DLGAP4: variants seen among roughly 807,000 people sequenced by gnomAD.
DLGAP4 encodes the protein disks large-associated protein 4.
A neutral mutation model predicts 86.9 loss-of-function variants in DLGAP4; 18 were observed. That is an observed-to-expected ratio of 0.21 (90% CI 0.14 to 0.31). The LOEUF (loss-of-function observed/expected upper bound fraction) is 0.31, where lower values mean the gene tolerates loss of function less well. Among genes scored for constraint, DLGAP4 ranks in the 10% least tolerant of loss-of-function variants. The pLI is 1.00. For synonymous variants in DLGAP4, 548 were observed against 574.3 expected (o/e 0.95, Z 0.65); for missense variants, 1,085 against 1,362.6 (o/e 0.80, Z 3.21).
intron 2 of DLGAP4, among the ~76,000 whole-genome samples, chr20:36,419,081 C>T (rs2032748035): frequency 6.6e-6 from 1 of 152,066 alleles, no homozygotes; most frequent in Non-Finnish European, 1.5e-5. Context: ...TGCTGCTTCT[C>T]CTCTAACATG....
intron 7 of DLGAP4, among the ~76,000 whole-genome samples, chr20:36,470,348 G>A (rs1304530977): frequency 6.6e-6 from 1 of 152,096 alleles, no homozygotes; most frequent in Non-Finnish European, 1.5e-5. Context: ...ACTCTCAGAG[G>A]CTGACTGCCT....
At chr20:36,509,585 T>TA (rs1233349415) in intron 10 of DLGAP4, among the ~76,000 whole-genome samples, 2 of 148,318 alleles carry the variant, frequency 1.3e-5, no homozygotes, top group South Asian at 4.2e-4. Flanking sequence ...AATAAATAAA[T>TA]AATAATAATA....
At chr20:36,344,775 A>G (rs1486853864) in intron 1 of DLGAP4, among the ~76,000 whole-genome samples, 1 of 152,202 alleles carries the variant, frequency 6.6e-6, no homozygotes, top group Non-Finnish European at 1.5e-5. Context: ...GGTCCTATTC[A>G]GTGGGATGAG....
chr20:36,317,839 T>A (rs1160222804), intron 1 of DLGAP4, among the ~76,000 whole-genome samples: 3 of 151,586 alleles, frequency 2.0e-5, no homozygotes, highest in Non-Finnish European at 4.4e-5. Context: ...CATTCTTGAG[T>A]CCAGCACAGT....
At chr20:36,514,704 G>A (rs547132044) in intron 10 of DLGAP4, among the ~76,000 whole-genome samples, 12 of 152,092 alleles carry the variant, frequency 7.9e-5, no homozygotes, top group African/African-American at 1.2e-4. Flanking sequence ...ATGAGCCACC[G>A]CGCCTGTCCT....
intron 7 of DLGAP4, among the ~76,000 whole-genome samples, chr20:36,496,464 C>T (rs1333152301): frequency 6.6e-6 from 1 of 152,216 alleles, no homozygotes; most frequent in East Asian, 1.9e-4. Flanking sequence ...ATATCTTTGG[C>T]CAGTGGTGGC....
At chr20:36,346,596 A>T (rs1252747258) in intron 1 of DLGAP4, among the ~76,000 whole-genome samples, 1 of 152,086 alleles carries the variant, frequency 6.6e-6, no homozygotes, top group Non-Finnish European at 1.5e-5. Context: ...TAGATGATAT[A>T]TTGGGAGAAG....
intron 2 of DLGAP4, among the ~76,000 whole-genome samples, chr20:36,405,119 G>A (rs992761648): frequency 4.6e-5 from 7 of 152,374 alleles, no homozygotes; most frequent in South Asian, 2.1e-4. Context: ...GTGGGCAAGG[G>A]CAGGTTGCCA....
intron 2 of DLGAP4, among the ~76,000 whole-genome samples, chr20:36,417,597 A>G (rs564546903): frequency 1.3e-5 from 2 of 151,974 alleles, no homozygotes; most frequent in Non-Finnish European, 2.9e-5. Flanking sequence ...CTGCCCAGAC[A>G]GGTCTCAAAC....
chr20:36,482,784 A>G (rs773476169), intron 7 of DLGAP4, among the ~76,000 whole-genome samples: 1 of 151,844 alleles, frequency 6.6e-6, no homozygotes, highest in Non-Finnish European at 1.5e-5. Flanking sequence ...TGATCCCCAC[A>G]CCTCAGCCTC....
intron 3 of DLGAP4, among the ~76,000 whole-genome samples, chr20:36,435,542 A>G (rs2033249939): frequency 6.6e-6 from 1 of 152,184 alleles, no homozygotes; most frequent in Admixed American, 6.5e-5. Flanking sequence ...CCAGCTCACC[A>G]TGTGGCTACC....
At position 36,431,557 on chromosome 20, in the gene DLGAP4, C is replaced by G. The variant is rs1421128188; in HGVS notation, c.-72-89C>G. On this transcript the variant is annotated intron_variant, in intron 2 of 12. Coordinates refer to ENST00000339266, the MANE Select transcript of DLGAP4 (RefSeq NM_001365621.2). This position sits in a 1 kb window ranked among gnomAD's most constrained non-coding sequence, Gnocchi z 5.1. ...TTGAGGACTGGCTTCAGAGATCCTC[C>G]CAGCCTTGCGATCTGGATCTGACCT... 2.5e-6 allele frequency: 2 copies of G among 788,348 alleles called. No individual in the cohort carries two copies. Among genetic ancestry groups the G allele is most frequent in the African/African-American group, 3.5e-5 (2 of 57,246 alleles). 48.8% of individuals were successfully genotyped at this position (788,348 alleles called of 1,614,324 possible).
Position 36,322,634 on chromosome 20 carries a change from T to C in DLGAP4, c.-304+16122T>C, listed in dbSNP as rs192454554. ...GGTAGCTCATATAATGTCACAGTCATCTGTAGATGGAGGGCATCTGTGCAG... is the reference window on the plus strand; with the variant it reads ...GGTAGCTCATATAATGTCACAGTCACCTGTAGATGGAGGGCATCTGTGCAG... On this transcript the variant is annotated intron_variant, in intron 1 of 12. Transcript: ENST00000339266. 5.9e-5 allele frequency among the ~76,000 whole-genome samples: 9 copies of C among 152,246 alleles called. No individual in the cohort carries two copies. The East Asian group carries it at 1.4e-3, about 23-fold the overall frequency.
chr20:36,329,065 C>T (rs1015255549), intron 1 of DLGAP4, among the ~76,000 whole-genome samples: 14 of 152,220 alleles, frequency 9.2e-5, no homozygotes, highest in African/African-American at 3.1e-4. Flanking sequence ...TGAGCCATCG[C>T]GCCCGGCCTA....
intron 2 of DLGAP4, among the ~76,000 whole-genome samples, chr20:36,379,016 C>T (rs2031269435): frequency 1.3e-5 from 2 of 152,108 alleles, no homozygotes; most frequent in African/African-American, 4.8e-5. Context: ...CAGTGGCAAA[C>T]ATGCTAGCAG....
At chr20:36,334,470 T>G (rs782498039) in intron 1 of DLGAP4, among the ~76,000 whole-genome samples, 13 of 152,128 alleles carry the variant, frequency 8.5e-5, no homozygotes, top group Non-Finnish European at 1.6e-4. Context: ...GAGACAGGGC[T>G]TGGCTTGTGG....
intron 1 of DLGAP4, among the ~76,000 whole-genome samples, chr20:36,344,430 G>A (rs1236522914): frequency 2.0e-5 from 3 of 152,110 alleles, no homozygotes; most frequent in African/African-American, 7.2e-5. Flanking sequence ...TGCTTACTGG[G>A]CCCCTCCATC....
intron 7 of DLGAP4, among the ~76,000 whole-genome samples, chr20:36,457,850 C>T (rs1453452610): frequency 2.0e-5 from 3 of 151,868 alleles, no homozygotes; most frequent in Non-Finnish European, 4.4e-5. Flanking sequence ...GTTGGCCAGG[C>T]TGGTCTCGAA....
chr20:36,427,376 G>A (rs1369776763), intron 2 of DLGAP4, among the ~76,000 whole-genome samples: 1 of 152,068 alleles, frequency 6.6e-6, no homozygotes, highest in Admixed American at 6.6e-5. Context: ...TACTCAGGAG[G>A]TTGAGGCAGG....
Sources: gnomAD v4.1 joint callset for allele counts (sites outside exome capture counted in the v4.1 genomes callset) on GRCh38, gnomAD v4.1.1 for gene constraint, Gnocchi (gnomAD v3.1) non-coding constraint, MANE v1.5 for transcripts, NCBI Gene and HGNC (gene_info 2026-07-23, HGNC 2026-07-21) for gene names.